The following UBE2H variants were observed in gnomAD, a reference collection of about 807,000 sequenced individuals.
UBE2H encodes the protein ubiquitin conjugating enzyme E2 H.
A neutral mutation model predicts 29.0 loss-of-function variants in UBE2H; 3 were observed. That is an observed-to-expected ratio of 0.10 (90% CI 0.05 to 0.27). The LOEUF (loss-of-function observed/expected upper bound fraction) is 0.27. Among genes scored for constraint, UBE2H ranks in the 10% least tolerant of loss-of-function variants. The pLI is 1.00. For missense variants in UBE2H, 68 were observed against 228.2 expected, an observed-to-expected ratio of 0.30 and a Z score of 4.52; for synonymous variants, 69 against 82.9, an observed-to-expected ratio of 0.83 and a Z score of 0.91.
chr7:129,866,917 T>C (rs1805915804), intron 3 of UBE2H, among the ~76,000 whole-genome samples: 1 of 152,212 alleles, frequency 6.6e-6, no homozygotes. Context: ...ATGTAAAGCA[T>C]TTGAACAGTA....
intron 3 of UBE2H, among the ~76,000 whole-genome samples, chr7:129,867,740 A>AAAAG (rs768415224): frequency 7.2e-6 from 1 of 138,310 alleles, no homozygotes; most frequent in Non-Finnish European, 1.6e-5. Flanking sequence ...AAAAAAAAAA[A>AAAAG]AAGAAGACCA....
intron 1 of UBE2H, among the ~76,000 whole-genome samples, chr7:129,948,356 T>C (rs1287328358): frequency 1.3e-5 from 2 of 152,194 alleles, no homozygotes; most frequent in African/African-American, 2.4e-5. Context: ...AGAAAGCTTC[T>C]GAAACCCTAA....
intron 5 of UBE2H, among the ~76,000 whole-genome samples, chr7:129,846,391 G>T (rs1186974962): frequency 7.0e-6 from 1 of 142,356 alleles, no homozygotes; most frequent in Non-Finnish European, 1.5e-5. Context: ...ATAATAATTG[G>T]GCATGGTGGC....
intron 1 of UBE2H, among the ~76,000 whole-genome samples, chr7:129,886,815 A>G (rs1421899402): frequency 6.6e-6 from 1 of 151,066 alleles, no homozygotes; most frequent in Non-Finnish European, 1.5e-5. Flanking sequence ...TAATCCATTA[A>G]TATGTAAGTA....
chr7:129,866,024 A>G (rs1805898517), intron 3 of UBE2H, among the ~76,000 whole-genome samples: 1 of 152,192 alleles, frequency 6.6e-6, no homozygotes, highest in Admixed American at 6.5e-5. Flanking sequence ...ATAGATTTTC[A>G]TCTAACCTCA....
intron 3 of UBE2H, among the ~76,000 whole-genome samples, chr7:129,875,869 T>A (rs1806135446): frequency 6.6e-6 from 1 of 152,210 alleles, no homozygotes; most frequent in African/African-American, 2.4e-5. Flanking sequence ...TGCAGCAATT[T>A]CTTTGCATAA....
chr7:129,948,058 C>T (rs918595419), intron 1 of UBE2H, among the ~76,000 whole-genome samples: 4 of 152,122 alleles, frequency 2.6e-5, no homozygotes, highest in African/African-American at 9.7e-5. Flanking sequence ...CGGGGTTTTG[C>T]CATGTTGGCC....
rs1806998433 is a variant in UBE2H at position 129,914,217 on chromosome 7, G to C, written c.54-33246C>G. Among the ~76,000 whole-genome samples, 3 of 152,028 alleles carry C rather than the reference G, an allele frequency of 2.0e-5. No homozygotes were observed. In the South Asian group the frequency reaches 6.2e-4, roughly 32 times the overall value. ...GAGTCTTGCTCTGTTGCCCAGGCTGGAGTGCAGAGGTGCAATTTTGGCTCA... is the reference window on the plus strand; with the variant it reads ...GAGTCTTGCTCTGTTGCCCAGGCTGCAGTGCAGAGGTGCAATTTTGGCTCA... On this transcript the variant is annotated intron_variant, in intron 1 of 6. Transcript: ENST00000355621.
At chr7:129,885,430 G>C (rs1286246118) in intron 1 of UBE2H, among the ~76,000 whole-genome samples, 1 of 152,180 alleles carries the variant, frequency 6.6e-6, no homozygotes, top group East Asian at 1.9e-4. Context: ...TGTGGATGTT[G>C]CTTCTGGGAA....
intron 3 of UBE2H, among the ~76,000 whole-genome samples, chr7:129,876,482 G>A (rs147661327): frequency 6.4e-4 from 98 of 152,276 alleles, no homozygotes; most frequent in Admixed American, 4.0e-3. Context: ...CAGTCTCTCT[G>A]GAAAATTATG....
At chr7:129,930,750 T>C (rs1807372738) in intron 1 of UBE2H, among the ~76,000 whole-genome samples, 2 of 149,738 alleles carry the variant, frequency 1.3e-5, no homozygotes, top group Admixed American at 6.7e-5. Context: ...CTACTAAAAA[T>C]ACAAAAAATT....
chr7:129,901,103 C>T (rs1806705209), intron 1 of UBE2H, among the ~76,000 whole-genome samples: 3 of 152,184 alleles, frequency 2.0e-5, no homozygotes, highest in Admixed American at 2.0e-4. Context: ...CTGTCTTAAA[C>T]ACTAAATTAA....
Position 129,834,758 on chromosome 7 carries a change from A to G in UBE2H, c.*179T>C. On this transcript the variant is annotated 3_prime_UTR_variant, in exon 7 of 7. Coordinates refer to ENST00000355621, the MANE Select transcript of UBE2H (RefSeq NM_003344.4). ...GGAATATGCTATGCACCTCAGGTTG[A>G]GAAATGACCAAGAAATCAAGATCTA... The G allele has an allele frequency of 1.4e-6, 1 of 737,092 alleles. No homozygotes were observed. The highest frequency in any genetic ancestry group is 2.0e-6 in the Non-Finnish European group (1 of 489,010). The allele number at this position is 737,092 out of a possible 1,614,324, so 45.7% of individuals were successfully genotyped here.
chr7:129,868,868 C>T (rs1458821651), intron 3 of UBE2H, among the ~76,000 whole-genome samples: 1 of 152,102 alleles, frequency 6.6e-6, no homozygotes, highest in African/African-American at 2.4e-5. Context: ...TTGCTCTCTG[C>T]CCCAACTCCT....
At chr7:129,904,722 A>T (rs549566999) in intron 1 of UBE2H, among the ~76,000 whole-genome samples, 1 of 152,308 alleles carries the variant, frequency 6.6e-6, no homozygotes, top group African/African-American at 2.4e-5. Context: ...GGTGCCAGGC[A>T]CTACGCTAGA....
intron 6 of UBE2H, among the ~76,000 whole-genome samples, chr7:129,835,729 G>A (rs1805313035): frequency 6.6e-6 from 1 of 152,168 alleles, no homozygotes; most frequent in Non-Finnish European, 1.5e-5. Context: ...AAGAACTGCT[G>A]AATAAACAAA....
chr7:129,935,077 T>C (rs1807499431), intron 1 of UBE2H, among the ~76,000 whole-genome samples: 1 of 151,618 alleles, frequency 6.6e-6, no homozygotes, highest in African/African-American at 2.4e-5. Flanking sequence ...CATATGTATA[T>C]ATAGAGGTAT....
At chr7:129,946,637 C>T (rs1468742140) in intron 1 of UBE2H, among the ~76,000 whole-genome samples, 3 of 152,088 alleles carry the variant, frequency 2.0e-5, no homozygotes, top group African/African-American at 7.2e-5. Context: ...ACAAACTCTC[C>T]AGGTGATTAT....
intron 3 of UBE2H, among the ~76,000 whole-genome samples, chr7:129,866,355 C>A (rs1805904311): frequency 1.3e-5 from 2 of 152,208 alleles, no homozygotes; most frequent in African/African-American, 4.8e-5. Context: ...CCTTCAATAG[C>A]ATAACCCTTC....
Sources: allele counts gnomAD v4.1 joint callset (sites outside exome capture counted in the v4.1 genomes callset), GRCh38; gene constraint gnomAD v4.1.1; transcripts MANE v1.5; gene names NCBI Gene and HGNC (gene_info 2026-07-23, HGNC 2026-07-21).